DGKI: variants seen among roughly 807,000 people sequenced by gnomAD.
DGKI encodes diacylglycerol kinase iota.
DGKI carries 55 observed loss-of-function variants against 147.5 expected under a neutral mutation model. The observed-to-expected ratio is 0.37, with a 90% CI of 0.30 to 0.47. The LOEUF (loss-of-function observed/expected upper bound fraction) is 0.47, where lower values mean the gene tolerates loss of function less well. Ranked by LOEUF, DGKI falls within the 20% of genes least tolerant of loss-of-function variation. The pLI is 1.00. For missense variants in DGKI, 1,007 were observed against 1,323.8 expected (o/e 0.76, Z 3.71); for synonymous variants, 469 against 477.1 (o/e 0.98, Z 0.22).
chr7:137,490,916 C>G (rs543972033), intron 21 of DGKI, among the ~76,000 whole-genome samples: 9 of 152,316 alleles, frequency 5.9e-5, no homozygotes, highest in Admixed American at 2.6e-4. Context: ...GTGAAAAGAA[C>G]AAGCTGTGTT....
intron 5 of DGKI, among the ~76,000 whole-genome samples, chr7:137,652,690 A>G (rs1822070960): frequency 7.4e-6 from 1 of 135,036 alleles, no homozygotes; most frequent in African/African-American, 4.0e-5. Context: ...TGATGGGGAC[A>G]ACTATGTTTT....
At chr7:137,757,060 A>ATT (rs898043344) in intron 1 of DGKI, among the ~76,000 whole-genome samples, 2 of 149,618 alleles carry the variant, frequency 1.3e-5, no homozygotes, top group Non-Finnish European at 3.0e-5. Flanking sequence ...ATTCTCCAGG[A>ATT]TTTTTTTTTT....
intron 21 of DGKI, among the ~76,000 whole-genome samples, chr7:137,506,129 T>C (rs753486402): frequency 3.3e-5 from 5 of 152,172 alleles, no homozygotes; most frequent in Non-Finnish European, 5.9e-5. Context: ...GAGTTGAAAA[T>C]TATGTCCACA....
intron 15 of DGKI, among the ~76,000 whole-genome samples, chr7:137,578,776 C>T (rs1218231391): frequency 6.6e-6 from 1 of 152,042 alleles, no homozygotes; most frequent in Non-Finnish European, 1.5e-5. Flanking sequence ...GGTGGAGAAG[C>T]GATTATTTAC....
intron 20 of DGKI, among the ~76,000 whole-genome samples, chr7:137,534,389 T>C (rs1350295965): frequency 6.6e-6 from 1 of 152,140 alleles, no homozygotes; most frequent in African/African-American, 2.4e-5. Context: ...ATAAATATTT[T>C]ACTCACAAAG....
intron 28 of DGKI, among the ~76,000 whole-genome samples, chr7:137,441,041 C>T (rs142726209): frequency 6.6e-6 from 1 of 152,274 alleles, no homozygotes; most frequent in African/African-American, 2.4e-5. Flanking sequence ...AACATAATCC[C>T]GAGCAAACAT....
At chr7:137,693,224 A>G (rs1278508813) in intron 1 of DGKI, among the ~76,000 whole-genome samples, 2 of 152,242 alleles carry the variant, frequency 1.3e-5, no homozygotes, top group East Asian at 3.9e-4. Flanking sequence ...CAGTAGTTTT[A>G]TGCTGCAATT....
In DGKI at chr7:137,479,453, A is replaced by T. The variant is rs549093347; in HGVS notation, c.2373+5921T>A. ...TATATATTTCTGAAAGCCAACTGGC[A>T]CAAATTATATAAAATTGATGAGAAA... On this transcript the variant is annotated intron_variant, in intron 23 of 32. Transcript: ENST00000614521. 9.8e-5 allele frequency among the ~76,000 whole-genome samples: 15 copies of T among 152,302 alleles called. No individual in the cohort carries two copies. The East Asian group carries it at 2.3e-3, about 23-fold the overall frequency.
chr7:137,597,875 C>T lies in DGKI; in HGVS notation c.1283G>A (p.Arg428Gln), dbSNP rs761224295. The stretch of plus-strand genomic sequence containing the variant: ...TCCATCCCCACCACAGGCCAGAATT[C>T]GCAGATTTGGTACTTTCCTATACAA... ...LELYRKVPNLRILACGGDGTV... is the reference protein window; with the variant it reads ...LELYRKVPNLQILACGGDGTV... The change falls in exon 12 of 33, where the codon CGA becomes CAA. Residue 428 changes from arginine (R) to glutamine (Q), a missense_variant. Physicochemically the swap from Arg to Gln is conservative, Grantham distance 43. Coordinates refer to ENST00000614521, the MANE Select transcript of DGKI (RefSeq NM_001321708.2). 1.9e-6 allele frequency: 3 copies of T among 1,613,906 alleles called. No individual in the cohort carries two copies. The highest frequency in any genetic ancestry group is 2.2e-5 in the East Asian group (1 of 44,880).
At chr7:137,487,229 T>C (rs2128936326) in intron 22 of DGKI, among the ~76,000 whole-genome samples, 1 of 152,328 alleles carries the variant, frequency 6.6e-6, no homozygotes, top group East Asian at 1.9e-4. Context: ...TTACAAAATC[T>C]AGCTGTCTCT....
chr7:137,780,524 G>A (rs1796488127), intron 1 of DGKI, among the ~76,000 whole-genome samples: 1 of 152,164 alleles, frequency 6.6e-6, no homozygotes, highest in Non-Finnish European at 1.5e-5. Flanking sequence ...CAAGGAAGGT[G>A]AAAATACAAC....
At position 137,384,670 on chromosome 7, in the gene DGKI, A is replaced by ACATG. The variant is rs1051176102; in HGVS notation, c.*6546_*6549dup. The stretch of plus-strand genomic sequence containing the variant: ...GTTTTGAACCCCAACTGAAGCTCAA[A>ACATG]CATGTCAATACATCATAACGCTAAA... On this transcript the variant is annotated 3_prime_UTR_variant, in exon 33 of 33. Coordinates refer to ENST00000614521, the MANE Select transcript of DGKI (RefSeq NM_001321708.2). The ACATG allele has an allele frequency of 2.0e-5, 3 of 152,170 alleles. 1 individual carries two copies. Among genetic ancestry groups the ACATG allele is most frequent in the African/African-American group, 7.2e-5 (3 of 41,540 alleles). The allele number at this position is 152,170 out of a possible 1,614,324, so 9.4% of individuals were successfully genotyped here.
intron 1 of DGKI, among the ~76,000 whole-genome samples, chr7:137,716,043 T>C (rs763055888): frequency 2.6e-5 from 4 of 152,190 alleles, no homozygotes; most frequent in Non-Finnish European, 5.9e-5. Flanking sequence ...TGAAGGTGGA[T>C]GGCTGAGAGC....
chr7:137,629,715 C>T (rs1389669037), intron 6 of DGKI, among the ~76,000 whole-genome samples: 1 of 152,208 alleles, frequency 6.6e-6, no homozygotes, highest in Admixed American at 6.5e-5. Flanking sequence ...CCCACCATAA[C>T]CCAACTCCCT....
chr7:137,421,082 C>G (rs1294685201), intron 28 of DGKI, among the ~76,000 whole-genome samples: 1 of 151,958 alleles, frequency 6.6e-6, no homozygotes, highest in East Asian at 1.9e-4. Context: ...TCCCAATCTC[C>G]TCCCCTTTTT....
chr7:137,794,963 C>T (rs1387843593), intron 1 of DGKI, among the ~76,000 whole-genome samples: 1 of 152,154 alleles, frequency 6.6e-6, no homozygotes, highest in African/African-American at 2.4e-5. Flanking sequence ...ACATCTATTT[C>T]CCTTTTTCTG....
intron 20 of DGKI, among the ~76,000 whole-genome samples, chr7:137,546,216 G>A (rs796831555): frequency 7.2e-5 from 11 of 152,272 alleles, no homozygotes; most frequent in Admixed American, 2.0e-4. Context: ...AGACCGGAGC[G>A]GGGCCAGGCT....
chr7:137,470,012 C>T (rs1017217182), intron 23 of DGKI, among the ~76,000 whole-genome samples: 3 of 152,134 alleles, frequency 2.0e-5, no homozygotes, highest in African/African-American at 7.2e-5. Context: ...ATGAATCAAA[C>T]GTTATCTACT....
chr7:137,417,662 T>C (rs115753733), intron 28 of DGKI, among the ~76,000 whole-genome samples: 1 of 152,200 alleles, frequency 6.6e-6, no homozygotes, highest in Admixed American at 6.5e-5. Flanking sequence ...AAAATTCATG[T>C]TGAAACTTAA....
Sources: allele counts gnomAD v4.1 joint callset (sites outside exome capture counted in the v4.1 genomes callset), GRCh38; gene constraint gnomAD v4.1.1; transcripts MANE v1.5; gene names NCBI Gene and HGNC (gene_info 2026-07-23, HGNC 2026-07-21).